Variants in CST5 observed in about 807,000 individuals in gnomAD.
CST5 encodes cystatin D, also known as cystatin-D.
CST5 carries 13 observed loss-of-function variants against 11.5 expected under a neutral mutation model. That is an observed-to-expected ratio of 1.13 (90% confidence interval 0.73 to 1.79). CST5 has a LOEUF of 1.79. CST5 is among the 40% of genes most tolerant of loss of function. The pLI is 0.00. For missense variants in CST5, 219 were observed against 174.5 expected (o/e 1.25, Z -1.44); for synonymous variants, 81 against 67.6 (o/e 1.20, Z -0.97).
chr20:23,875,954 G>A lies in CST5; in HGVS notation c.*234C>T, dbSNP rs1319700091. The A allele has an allele frequency of 5.3e-6, 2 of 379,694 alleles. No homozygotes were observed. The highest frequency in any genetic ancestry group is 9.5e-6 in the Non-Finnish European group (2 of 210,326). The allele number at this position is 379,694 out of a possible 1,614,324, so 23.5% of individuals were successfully genotyped here. ...AGGGAGGCAATGCTACTGTTTAATT[G>A]CAGGAGGTGGGAGAGTGTGCACTGC... On this transcript the variant is annotated 3_prime_UTR_variant, in exon 3 of 3. Coordinates refer to ENST00000304710, the MANE Select transcript of CST5 (RefSeq NM_001900.5).
rs1260729884 is a variant in CST5, at chr20:23,876,111, G to A, written c.*77C>T. ...TGAGGAGACCTCCCCCAGGGTGGGG[G>A]CCACCAGTCCAGGGGTGGGAGCACT... On this transcript the variant is annotated 3_prime_UTR_variant, in exon 3 of 3. Transcript: ENST00000304710. 1.5e-5 allele frequency: 18 copies of A among 1,207,458 alleles called. No individual in the cohort carries two copies. The highest frequency in any genetic ancestry group is 2.0e-5 in the Non-Finnish European group (17 of 830,788). The allele number at this position is 1,207,458 out of a possible 1,614,324, so 74.8% of individuals were successfully genotyped here. A position where few individuals can be genotyped will look rare whatever the true frequency, so the allele number is the denominator to read the frequency against.
In CST5 at chr20:23,877,633, G is replaced by A. The variant is rs753006110; in HGVS notation, c.232-15C>T. ...CCACCCACGATCTACACGCGTGGAAGAGCAGGAAGCAGGGGCAGCATGCTG... is the reference window on the plus strand; with the variant it reads ...CCACCCACGATCTACACGCGTGGAAAAGCAGGAAGCAGGGGCAGCATGCTG... On this transcript the variant is annotated splice_polypyrimidine_tract_variant and intron_variant, in intron 1 of 2. Transcript: ENST00000304710. The A allele has an allele frequency of 1.2e-6, 2 of 1,601,832 alleles. No individual in the cohort carries two copies. The highest frequency in any genetic ancestry group is 1.1e-5 in the South Asian group (1 of 90,352).
At chr20:23,876,630 C>T (rs1985967916) in intron 2 of CST5, among the ~76,000 whole-genome samples, 1 of 152,138 alleles carries the variant, frequency 6.6e-6, no homozygotes, top group Non-Finnish European at 1.5e-5. Context: ...GCACCCAGGC[C>T]AGCACTAAGA....
chr20:23,878,237 G>T (rs1328137752), intron 1 of CST5, among the ~76,000 whole-genome samples: 2 of 152,150 alleles, frequency 1.3e-5, no homozygotes, highest in Non-Finnish European at 2.9e-5. Flanking sequence ...TGATGTTTTA[G>T]GCCAATAAAC....
At position 23,878,317 on chromosome 20, in the gene CST5, T is replaced by C. The variant is rs980170606; in HGVS notation, c.232-699A>G. Among the ~76,000 whole-genome samples the C allele has an allele frequency of 4.6e-5, 7 of 152,334 alleles. No individual in the cohort carries two copies. The East Asian group carries it at 1.4e-3, about 29-fold the overall frequency. ...ATATTTCTAAAGTGAGTCACACACCTGCATGTCTTAGGGTTGCAACTTCAG... is the reference window on the plus strand; with the variant it reads ...ATATTTCTAAAGTGAGTCACACACCCGCATGTCTTAGGGTTGCAACTTCAG... On this transcript the variant is annotated intron_variant, in intron 1 of 2. Coordinates refer to ENST00000304710, the MANE Select transcript of CST5 (RefSeq NM_001900.5).
rs1323339865 is a variant in CST5 at position 23,879,444 on chromosome 20, A to G, written c.231+2T>C. On this transcript the variant is annotated splice_donor_variant, in intron 1 of 2. Coordinates refer to ENST00000304710, the MANE Select transcript of CST5 (RefSeq NM_001900.5). LOFTEE classifies it high-confidence loss of function. ...GACCCCCAGGGTGGTGGTAGCACGC[A>G]CCTGCTGGTAGGCAGCCATCACCTG... The G allele has an allele frequency of 3.1e-6, 5 of 1,612,744 alleles. No individual in the cohort carries two copies. The highest frequency in any genetic ancestry group is 4.2e-6 in the Non-Finnish European group (5 of 1,179,138).
intron 2 of CST5, 103 bp from the exon 3 acceptor site, chr20:23,876,374 A>G: frequency 1.1e-6 from 1 of 912,252 alleles, no homozygotes; most frequent in South Asian, 1.5e-5. Flanking sequence ...GTTGGAGATG[A>G]GACACTGCCC....
chr20:23,876,341 A>G, intron 2 of CST5, 70 bp from the exon 3 acceptor site: 1 of 1,244,354 alleles, frequency 8.0e-7, no homozygotes, highest in Non-Finnish European at 1.2e-6. Flanking sequence ...CAGGAATGGG[A>G]CATCAGAATG....
In CST5 at chr20:23,878,375, G is replaced by A. The variant is rs371873741; in HGVS notation, c.232-757C>T. ...CTGAATGCTTTCCCTGCACAGTGCC[G>A]CCCCAAAACATGACTTGTCAGAACT... is the stretch of plus-strand genomic sequence containing the variant. On this transcript the variant is annotated intron_variant, in intron 1 of 2. Coordinates refer to ENST00000304710, the MANE Select transcript of CST5 (RefSeq NM_001900.5). Among the ~76,000 whole-genome samples, 15 of 152,192 alleles carry A rather than the reference G, an allele frequency of 9.9e-5. No homozygotes were observed. In the East Asian group the frequency reaches 1.5e-3, roughly 16 times the overall value.
rs370343005 is a variant in CST5, at chr20:23,879,411, G to A, written c.231+35C>T. 1.9e-6 allele frequency: 3 copies of A among 1,568,660 alleles called. No homozygotes were observed. In the African/African-American group the frequency reaches 4.1e-5, roughly 21 times the overall value. ...GGGGGTGAGGCAAAAAACCCAGCTG[G>A]GACTCAGGACCCCCAGGGTGGTGGT... On this transcript the variant is annotated intron_variant, in intron 1 of 2. Transcript: ENST00000304710.
At chr20:23,877,743 G>A (rs1600456987) in intron 1 of CST5, 125 bp from the exon 2 acceptor site, 1 of 735,250 alleles carries the variant, frequency 1.4e-6, no homozygotes, top group East Asian at 2.7e-5. Context: ...TCACCCAAAA[G>A]GCACACAAGC....
rs760097321 is a variant in CST5 at position 23,877,540 on chromosome 20, T to A, written c.310A>T (p.Asn104Tyr). 5.6e-6 allele frequency: 9 copies of A among 1,614,070 alleles called. No individual in the cohort carries two copies. The highest frequency in any genetic ancestry group is 2.2e-5 in the East Asian group (1 of 44,896). ...TTTGGCTGGTCATTGAAGGGACAGT[T>A]GTCCAAGTTGGGCTGGGACTTGGTG... Reference protein sequence around the residue: ...TCTKSQPNLDNCPFNDQPKLK... With the variant: ...TCTKSQPNLDYCPFNDQPKLK... The change falls in exon 2 of 3, where the codon AAC becomes TAC. Residue 104 changes from asparagine to tyrosine, a missense_variant. By Grantham distance (143) the Asn-to-Tyr change is moderately radical. Coordinates refer to ENST00000304710, the MANE Select transcript of CST5 (RefSeq NM_001900.5).
chr20:23,876,099 C>T lies in CST5; in HGVS notation c.*89G>A. On this transcript the variant is annotated 3_prime_UTR_variant, in exon 3 of 3. Coordinates refer to ENST00000304710, the MANE Select transcript of CST5 (RefSeq NM_001900.5). ...GGTGCAGGCGCATGAGGAGACCTCC[C>T]CCAGGGTGGGGGCCACCAGTCCAGG... 9.3e-7 allele frequency: 1 copy of T among 1,077,664 alleles called. No individual in the cohort carries two copies. Among genetic ancestry groups the T allele is most frequent in the Non-Finnish European group, 1.4e-6 (1 of 720,728 alleles). The allele number at this position is 1,077,664 out of a possible 1,614,324, so 66.8% of individuals were successfully genotyped here. A position where few individuals can be genotyped will look rare whatever the true frequency, so the allele number is the denominator to read the frequency against.
In CST5 at chr20:23,879,540, C is replaced by A. The variant is rs777095406; in HGVS notation, c.137G>T (p.Cys46Phe). ...ATDLNDKSVQCALDFAISEYN... is the reference protein window; with the variant it reads ...ATDLNDKSVQFALDFAISEYN... Reference sequence around the variant, plus strand: ...CTCGCTGATGGCAAAGTCCAGGGCACACTGCACACTCTTGTCATTGAGGTC... The same window carrying A: ...CTCGCTGATGGCAAAGTCCAGGGCAAACTGCACACTCTTGTCATTGAGGTC... Residue 46 changes from cysteine (C) to phenylalanine (F), a missense_variant, in exon 1 of 3, where the codon TGT (cysteine) becomes TTT (phenylalanine). Coordinates refer to ENST00000304710, the MANE Select transcript of CST5 (RefSeq NM_001900.5). 31 of 1,613,946 alleles carry A rather than the reference C, an allele frequency of 1.9e-5. No homozygotes were observed. The highest frequency in any genetic ancestry group is 2.5e-5 in the Non-Finnish European group (29 of 1,179,996).
intron 1 of CST5, among the ~76,000 whole-genome samples, chr20:23,878,697 A>G (rs545971986): frequency 7.9e-5 from 12 of 152,292 alleles, no homozygotes; most frequent in African/African-American, 2.6e-4. Context: ...GACTCCTCTG[A>G]CTTTCCAAGA....
In CST5 at chr20:23,876,213, A is replaced by C; in HGVS notation, c.404T>G (p.Leu135Arg). ...EVPWEDKISI[L>R]NYKCRKV ...CTAGACTTTCCGGCACTTGTAGTTC[A>C]GAATGGAAATTTTATCCTCCCAGGG... is the stretch of plus-strand genomic sequence containing the variant. The change falls in exon 3 of 3, where the codon CTG becomes CGG. Residue 135 changes from leucine to arginine, a missense_variant. Physicochemically the swap from Leu to Arg is moderately radical, Grantham distance 102. Transcript: ENST00000304710. 2 of 1,613,978 alleles carry C rather than the reference A, an allele frequency of 1.2e-6. No individual in the cohort carries two copies. The highest frequency in any genetic ancestry group is 1.1e-5 in the South Asian group (1 of 91,076).
In CST5 at chr20:23,877,511, C is replaced by T. The variant is rs1035028766; in HGVS notation, c.339G>A (p.Leu113=). The change falls in exon 2 of 3, where the codon CTG becomes CTA. Residue 113 remains leucine (L), a synonymous_variant. Coordinates refer to ENST00000304710, the MANE Select transcript of CST5 (RefSeq NM_001900.5). ...ACCCACATCAGGCACATACCTCTTT[C>T]AGTTTTGGCTGGTCATTGAAGGGAC... The part of the protein sequence containing the change: ...DNCPFNDQPK[L]KEEEFCSFQI... 1.9e-6 allele frequency: 3 copies of T among 1,613,876 alleles called. No individual in the cohort carries two copies. Among genetic ancestry groups the T allele is most frequent in the African/African-American group, 1.3e-5 (1 of 74,924 alleles).
rs1985959324 is a variant in CST5 at position 23,876,248 on chromosome 20, G to A, written c.369C>T (p.Ile123=). The change falls in exon 3 of 3, where the codon ATC becomes ATT. Residue 123 remains isoleucine, a synonymous_variant. Coordinates refer to ENST00000304710, the MANE Select transcript of CST5 (RefSeq NM_001900.5). ...LKEEEFCSFQ[I]NEVPWEDKIS... ...TTTTATCCTCCCAGGGAACTTCATTGATCTGGAAAGAGCAGAACTCTTCCT... is the reference window on the plus strand; with the variant it reads ...TTTTATCCTCCCAGGGAACTTCATTAATCTGGAAAGAGCAGAACTCTTCCT... 2 of 1,613,416 alleles carry A rather than the reference G, an allele frequency of 1.2e-6. No homozygotes were observed. The highest frequency in any genetic ancestry group is 1.7e-6 in the Non-Finnish European group (2 of 1,179,510).
intron 1 of CST5, among the ~76,000 whole-genome samples, 197 bp downstream of exon 1, chr20:23,879,249 C>T (rs1055583796): frequency 8.5e-5 from 13 of 152,100 alleles, no homozygotes; most frequent in Non-Finnish European, 1.6e-4. Context: ...TAAAAGAGGC[C>T]GAGGGGACAG....
Sources: allele counts gnomAD v4.1 joint callset (sites outside exome capture counted in the v4.1 genomes callset), GRCh38; gene constraint gnomAD v4.1.1; transcripts MANE v1.5; gene names NCBI Gene and HGNC (gene_info 2026-07-23, HGNC 2026-07-21).